Variants in MFSD11 observed in about 807,000 individuals in gnomAD.
MFSD11 encodes the protein major facilitator superfamily domain containing 11.
MFSD11 carries 36 observed loss-of-function variants against 53.5 expected under a neutral mutation model. The ratio of observed to expected loss-of-function variants is 0.67; its 90% CI spans 0.52 to 0.89. MFSD11 has a LOEUF of 0.89. Among genes scored for constraint, MFSD11 ranks in the 40% least tolerant of loss-of-function variants. MFSD11 has a pLI of 0.00. For synonymous variants in MFSD11, 186 were observed against 184.9 expected (o/e 1.01, Z -0.05); for missense variants, 530 against 543.9 (o/e 0.97, Z 0.25).
chr17:76,763,339 A>G (rs906301969), intron 8 of MFSD11, among the ~76,000 whole-genome samples: 3 of 151,338 alleles, frequency 2.0e-5, no homozygotes, highest in South Asian at 2.1e-4. Flanking sequence ...ATCTCGACTC[A>G]CTGCAACCTC....
chr17:76,797,890 A>AT, the MFSD11 span, among the ~76,000 whole-genome samples: 100,555 of 148,784 alleles, frequency 0.68, 34,443 homozygotes, highest in Non-Finnish European at 0.73. Flanking sequence ...TCAGGAAAAC[A>AT]TTTTTTTTTT....
chr17:76,802,436 C>G, the MFSD11 span, among the ~76,000 whole-genome samples: 1 of 152,126 alleles, frequency 6.6e-6, no homozygotes, highest in Non-Finnish European at 1.5e-5. Flanking sequence ...ACACATAAAC[C>G]GACCATACAA....
intron 7 of MFSD11, among the ~76,000 whole-genome samples, chr17:76,750,438 G>A (rs187348791): frequency 1.8e-4 from 26 of 145,054 alleles, no homozygotes; most frequent in Non-Finnish European, 1.5e-5. Flanking sequence ...GCGCAAACTC[G>A]GCTCCGCCTC....
At chr17:76,741,341 A>G (rs543610414) in intron 3 of MFSD11, among the ~76,000 whole-genome samples, 1 of 152,306 alleles carries the variant, frequency 6.6e-6, no homozygotes, top group South Asian at 2.1e-4. Flanking sequence ...TTTTCTGTCA[A>G]TTGACTGAAA....
intron 8 of MFSD11, among the ~76,000 whole-genome samples, chr17:76,762,539 C>T (rs1202457702): frequency 6.6e-6 from 1 of 151,786 alleles, no homozygotes; most frequent in Non-Finnish European, 1.5e-5. Context: ...TAGTGGCGGG[C>T]ACCTGTAGTC....
intron 9 of MFSD11, among the ~76,000 whole-genome samples, chr17:76,768,751 G>A (rs1467242970): frequency 6.6e-6 from 1 of 152,202 alleles, no homozygotes; most frequent in African/African-American, 2.4e-5. Flanking sequence ...TTGGGAGGCC[G>A]AGGTGGGTGG....
At position 76,769,916 on chromosome 17, in the gene MFSD11, T is replaced by C. The variant is rs146706853; in HGVS notation, c.874+45T>C. The C allele has an allele frequency of 8.0e-5, 125 of 1,559,916 alleles. 1 individual carries two copies. In the Admixed American group the frequency reaches 1.1e-3, roughly 14 times the overall value. On this transcript the variant is annotated intron_variant, in intron 10 of 12. Coordinates refer to ENST00000685175, the MANE Select transcript of MFSD11 (RefSeq NM_001242532.5). ...GTTTGCATTAAAAATATCAGTTTAT[T>C]ATAGGTAAAATAGAAATTTTAAGTG...
At chr17:76,761,599 G>T (rs1297112870) in intron 8 of MFSD11, among the ~76,000 whole-genome samples, 1 of 152,178 alleles carries the variant, frequency 6.6e-6, no homozygotes, top group African/African-American at 2.4e-5. Context: ...TCATTAAGGT[G>T]TTAGATTCTG....
chr17:76,748,806 T>G (rs2078782911), intron 7 of MFSD11, among the ~76,000 whole-genome samples: 1 of 152,108 alleles, frequency 6.6e-6, no homozygotes, highest in Non-Finnish European at 1.5e-5. Context: ...TCTCCCCTCC[T>G]CCCTGTATTC....
chr17:76,753,687 CA>C (rs11393515), intron 7 of MFSD11, among the ~76,000 whole-genome samples: 47 of 127,128 alleles, frequency 3.7e-4, no homozygotes, highest in Non-Finnish European at 4.9e-4. Flanking sequence ...GACCCTGTCT[CA>C]AAAAAAAAAA....
chr17:76,759,289 C>CT lies in MFSD11; in HGVS notation c.682+5213dup, dbSNP rs534233258. ...AATACAATAAAATATATTTCTTTTT[C>CT]TTTTTTTTTTTGAGATGGACTGGCA... On this transcript the variant is annotated intron_variant, in intron 8 of 12. Transcript: ENST00000685175. Among the ~76,000 whole-genome samples, 1,277 of 144,470 alleles carry CT rather than the reference C, an allele frequency of 8.8e-3. 16 individuals are homozygous for CT. The highest frequency in any genetic ancestry group is 0.025 in the African/African-American group (1,002 of 39,622). The allele number at this position is 144,470 out of a possible 152,430, so 94.8% of individuals were successfully genotyped here.
At position 76,743,378 on chromosome 17, in the gene MFSD11, C is replaced by CATA; in HGVS notation, c.438-20_438-19insATA. 1 of 1,512,270 alleles carries CATA rather than the reference C, an allele frequency of 6.6e-7. No individual in the cohort carries two copies. The highest frequency in any genetic ancestry group is 9.0e-7 in the Non-Finnish European group (1 of 1,109,348). The allele number at this position is 1,512,270 out of a possible 1,614,324, so 93.7% of individuals were successfully genotyped here. Reference sequence around the variant, plus strand: ...TTAAAATAATTACCCAACATCCTATCCTCCCTTTTCTTCCCCCAGCTTGTT... The same window carrying CATA: ...TTAAAATAATTACCCAACATCCTATCATACTCCCTTTTCTTCCCCCAGCTTGTT... On this transcript the variant is annotated intron_variant, in intron 5 of 12. Coordinates refer to ENST00000685175, the MANE Select transcript of MFSD11 (RefSeq NM_001242532.5).
At chr17:76,783,916 AT>A (rs959271597), downstream of MFSD11, among the ~76,000 whole-genome samples, 1 of 150,550 alleles carries the variant, frequency 6.6e-6, no homozygotes, top group Non-Finnish European at 1.5e-5. Context: ...ATTAATAGTC[AT>A]TTTTTTTGGA....
At chr17:76,757,467 C>T (rs944086006) in intron 8 of MFSD11, among the ~76,000 whole-genome samples, 1 of 152,118 alleles carries the variant, frequency 6.6e-6, no homozygotes, top group Non-Finnish European at 1.5e-5. Flanking sequence ...GGCAAGGCTT[C>T]ATGTGGCCTG....
intron 11 of MFSD11, 36 bp downstream of exon 11, chr17:76,775,207 CG>C: frequency 6.3e-7 from 1 of 1,598,678 alleles, no homozygotes; most frequent in East Asian, 2.2e-5. Context: ...CGCTTGAGTA[CG>C]GGTGGGAGGT....
At chr17:76,767,791 G>C (rs536237558) in intron 9 of MFSD11, among the ~76,000 whole-genome samples, 3 of 152,280 alleles carry the variant, frequency 2.0e-5, no homozygotes, top group Admixed American at 6.5e-5. Context: ...AAGAATACCA[G>C]ACCTTCTTAA....
intron 9 of MFSD11, among the ~76,000 whole-genome samples, chr17:76,768,586 TC>T (rs2081087315): frequency 2.0e-5 from 3 of 152,208 alleles, no homozygotes; most frequent in Admixed American, 6.5e-5. Context: ...AATTTTTTAA[TC>T]TTTGGAATTT....
chr17:76,752,155 G>T (rs377550630), intron 7 of MFSD11, among the ~76,000 whole-genome samples: 4 of 152,176 alleles, frequency 2.6e-5, no homozygotes, highest in Non-Finnish European at 5.9e-5. Context: ...TAGCTCAGGC[G>T]TGTTGTTGCT....
the MFSD11 span, among the ~76,000 whole-genome samples, chr17:76,791,718 A>G: frequency 6.7e-6 from 1 of 149,100 alleles, no homozygotes; most frequent in East Asian, 1.9e-4. Context: ...CTTGCTTTCC[A>G]CTAAAGAACA....
Sources: gnomAD v4.1 joint callset for allele counts (sites outside exome capture counted in the v4.1 genomes callset) on GRCh38, gnomAD v4.1.1 for gene constraint, MANE v1.5 for transcripts, NCBI Gene and HGNC (gene_info 2026-07-23, HGNC 2026-07-21) for gene names.